The following GRIA4 variants were observed in gnomAD, a reference collection of about 807,000 sequenced individuals.
The protein encoded by GRIA4 is glutamate ionotropic receptor AMPA type subunit 4, also known as glutamate receptor 4.
Under a neutral mutation model 104.0 loss-of-function variants are expected in GRIA4, and 34 were observed. The observed-to-expected ratio is 0.33, with a 90% CI of 0.25 to 0.44. The LOEUF (loss-of-function observed/expected upper bound fraction) is 0.44. Among genes scored for constraint, GRIA4 ranks in the 20% least tolerant of loss-of-function variants. The pLI is 1.00. For missense variants in GRIA4, 750 were observed against 1,096.5 expected (o/e 0.68, Z 4.46); for synonymous variants, 386 against 381.9 (o/e 1.01, Z -0.13).
chr11:105,839,775 A>G (rs1263927546), intron 4 of GRIA4, among the ~76,000 whole-genome samples: 1 of 152,102 alleles, frequency 6.6e-6, no homozygotes, highest in East Asian at 1.9e-4. Context: ...GTTCATTAAT[A>G]GTGGCTGATA....
chr11:105,676,109 A>G (rs1471584289), intron 3 of GRIA4, among the ~76,000 whole-genome samples: 1 of 151,772 alleles, frequency 6.6e-6, no homozygotes, highest in African/African-American at 2.4e-5. Context: ...AGAGAATGTT[A>G]TTTTTTAATT....
intron 5 of GRIA4, among the ~76,000 whole-genome samples, chr11:105,871,098 A>T (rs758748006): frequency 1.3e-5 from 2 of 152,090 alleles, no homozygotes; most frequent in Non-Finnish European, 2.9e-5. Context: ...ACCCCTGCAC[A>T]TTGCAGTTTA....
chr11:105,832,956 T>C (rs556184138), intron 4 of GRIA4, among the ~76,000 whole-genome samples: 98 of 152,180 alleles, frequency 6.4e-4, no homozygotes, highest in African/African-American at 2.1e-3. Flanking sequence ...TGCTTTTTTA[T>C]TGGTAGAAAC....
At chr11:105,751,300 A>C (rs558958330) in intron 3 of GRIA4, among the ~76,000 whole-genome samples, 1 of 152,306 alleles carries the variant, frequency 6.6e-6, no homozygotes, top group East Asian at 1.9e-4. Context: ...TCCAGGTTCT[A>C]ATGGTGTTAA....
chr11:105,849,534 G>A (rs1404512919), intron 4 of GRIA4, among the ~76,000 whole-genome samples: 1 of 152,182 alleles, frequency 6.6e-6, no homozygotes, highest in African/African-American at 2.4e-5. Context: ...TGGTCAATTT[G>A]GCAATGACGC....
intron 14 of GRIA4, among the ~76,000 whole-genome samples, chr11:105,964,094 T>C (rs533267676): frequency 1.3e-5 from 2 of 152,280 alleles, no homozygotes; most frequent in Admixed American, 6.5e-5. Context: ...AATTCCTTTT[T>C]TCCCAGCAGA....
intron 3 of GRIA4, among the ~76,000 whole-genome samples, chr11:105,685,797 T>C (rs1351248777): frequency 2.2e-5 from 2 of 91,804 alleles, no homozygotes; most frequent in South Asian, 1.0e-3. Flanking sequence ...GGATTACTTG[T>C]GCAAGAAAAC....
rs1475272638 is a variant in GRIA4, at chr11:105,629,559, G to T, written c.247+17125G>T. ...AAGACTATACTCAAATGTTGATAGTGATTATTTTTCTTTTGTGTTATAATG... is the reference window on the plus strand; with the variant it reads ...AAGACTATACTCAAATGTTGATAGTTATTATTTTTCTTTTGTGTTATAATG... On this transcript the variant is annotated intron_variant, in intron 3 of 16. Transcript: ENST00000282499. 2.6e-5 allele frequency among the ~76,000 whole-genome samples: 4 copies of T among 152,088 alleles called. No homozygotes were observed. The South Asian group carries it at 8.3e-4, about 31-fold the overall frequency.
Position 105,715,718 on chromosome 11 carries a change from T to C in GRIA4, c.248-37263T>C, listed in dbSNP as rs575836416. Among the ~76,000 whole-genome samples the C allele has an allele frequency of 1.5e-4, 23 of 152,308 alleles. No individual in the cohort carries two copies. In the South Asian group the frequency reaches 4.8e-3, roughly 32 times the overall value. The stretch of plus-strand genomic sequence containing the variant: ...GAATTAAGGATGATTAAAGGAGAAG[T>C]CATAACTCTACAGTGGGTTTTCAAT... On this transcript the variant is annotated intron_variant, in intron 3 of 16. Coordinates refer to ENST00000282499, the MANE Select transcript of GRIA4 (RefSeq NM_000829.4).
rs543699841 is a variant in GRIA4, at chr11:105,886,821, A to G, written c.673-698A>G. Among the ~76,000 whole-genome samples the G allele has an allele frequency of 4.6e-4, 70 of 152,178 alleles. 1 individual carries two copies. The highest frequency in any genetic ancestry group is 1.4e-3 in the Admixed American group (21 of 15,296). On this transcript the variant is annotated intron_variant, in intron 5 of 16. Coordinates refer to ENST00000282499, the MANE Select transcript of GRIA4 (RefSeq NM_000829.4). ...TTGTAATCTCTAATGCAAAAATAAAATTGAACTTTGAAAAGATCTCTAGAA... is the reference window on the plus strand; with the variant it reads ...TTGTAATCTCTAATGCAAAAATAAAGTTGAACTTTGAAAAGATCTCTAGAA...
At chr11:105,774,000 T>C (rs1452712372) in intron 4 of GRIA4, among the ~76,000 whole-genome samples, 1 of 151,816 alleles carries the variant, frequency 6.6e-6, no homozygotes, top group Non-Finnish European at 1.5e-5. Flanking sequence ...AAATTAATTA[T>C]GCTACAAAGA....
intron 3 of GRIA4, among the ~76,000 whole-genome samples, chr11:105,744,895 T>C (rs1939549822): frequency 6.6e-6 from 1 of 152,314 alleles, no homozygotes; most frequent in South Asian, 2.1e-4. Context: ...TTATAGTGCT[T>C]CTAGTTTTTA....
Position 105,931,265 on chromosome 11 carries a change from TACACACACACACACAC to T in GRIA4, c.2047-2434_2047-2419del, listed in dbSNP as rs373334457. ...CAGAAGTATCCTGTCATTGCCTAAA[TACACACACACACACAC>T]ACACACACACACACACACACACCAA... is the stretch of plus-strand genomic sequence containing the variant. On this transcript the variant is annotated intron_variant, in intron 13 of 16. Coordinates refer to ENST00000282499, the MANE Select transcript of GRIA4 (RefSeq NM_000829.4). 5.6e-5 allele frequency among the ~76,000 whole-genome samples: 8 copies of T among 143,786 alleles called. No individual in the cohort carries two copies. In the South Asian group the frequency reaches 1.1e-3, roughly 20 times the overall value. 94.3% of individuals were successfully genotyped at this position (143,786 alleles called of 152,430 possible).
At chr11:105,858,179 G>A (rs757640871) in intron 4 of GRIA4, among the ~76,000 whole-genome samples, 10 of 152,100 alleles carry the variant, frequency 6.6e-5, no homozygotes, top group Middle Eastern at 3.4e-3. Context: ...TGATTATGTC[G>A]ATGATATGCT....
At chr11:105,736,951 G>A (rs1013158580) in intron 3 of GRIA4, among the ~76,000 whole-genome samples, 5 of 151,978 alleles carry the variant, frequency 3.3e-5, no homozygotes, top group Non-Finnish European at 7.4e-5. Flanking sequence ...AAACACACAC[G>A]CAGAAGCAGT....
chr11:105,630,395 C>A lies in GRIA4; in HGVS notation c.247+17961C>A, dbSNP rs564947629. ...CCTGACTGACATGGTGAGACCCCGTCTCTACTACAAATACAAAAATTAGCC... is the reference window on the plus strand; with the variant it reads ...CCTGACTGACATGGTGAGACCCCGTATCTACTACAAATACAAAAATTAGCC... On this transcript the variant is annotated intron_variant, in intron 3 of 16. Transcript: ENST00000282499. Among the ~76,000 whole-genome samples, 5 of 152,158 alleles carry A rather than the reference C, an allele frequency of 3.3e-5. No homozygotes were observed. The East Asian group carries it at 9.7e-4, about 30-fold the overall frequency.
At chr11:105,975,818 C>T (rs1240740598) in intron 16 of GRIA4, among the ~76,000 whole-genome samples, 1 of 151,998 alleles carries the variant, frequency 6.6e-6, no homozygotes. Flanking sequence ...AAGCAAAGAG[C>T]CAATGCCATC....
At chr11:105,732,952 ATT>A in intron 3 of GRIA4, among the ~76,000 whole-genome samples, 1 of 152,296 alleles carries the variant, frequency 6.6e-6, no homozygotes, top group East Asian at 1.9e-4. Flanking sequence ...TTCCTTTCAC[ATT>A]TATTACCTCA....
rs1243853585 is a variant in GRIA4 at position 105,673,080 on chromosome 11, T to C, written c.247+60646T>C. ...GTAAACTCTAAACTCCAGATGTGGC[T>C]GAAAAAGTCTATACCATCTGGTTCC... On this transcript the variant is annotated intron_variant, in intron 3 of 16. Coordinates refer to ENST00000282499, the MANE Select transcript of GRIA4 (RefSeq NM_000829.4). Among the ~76,000 whole-genome samples, 2 of 152,102 alleles carry C rather than the reference T, an allele frequency of 1.3e-5. 1 individual carries two copies. Among genetic ancestry groups the C allele is most frequent in the African/African-American group, 4.8e-5 (2 of 41,436 alleles).
Sources: gnomAD v4.1 joint callset for allele counts (sites outside exome capture counted in the v4.1 genomes callset) on GRCh38, gnomAD v4.1.1 for gene constraint, MANE v1.5 for transcripts, NCBI Gene and HGNC (gene_info 2026-07-23, HGNC 2026-07-21) for gene names.